Variants in AGBL3 observed in about 807,000 individuals in gnomAD.
AGBL3 encodes the protein cytosolic carboxypeptidase 3.
A neutral mutation model predicts 94.5 loss-of-function variants in AGBL3; 68 were observed. The observed-to-expected ratio is 0.72, with a 90% confidence interval of 0.59 to 0.88. AGBL3 has a LOEUF of 0.88. Ranked by LOEUF, AGBL3 falls within the 40% of genes least tolerant of loss-of-function variation. The probability of loss-of-function intolerance (pLI) is 0.00; values close to 1 mark genes in which losing one functional copy is unlikely to be tolerated. For missense variants in AGBL3, 934 were observed against 1,103.8 expected, an observed-to-expected ratio of 0.85 and a Z score of 2.18; for synonymous variants, 354 against 370.7, an observed-to-expected ratio of 0.95 and a Z score of 0.52.
intron 4 of AGBL3, among the ~76,000 whole-genome samples, chr7:135,013,070 T>A (rs1342783262): frequency 6.6e-6 from 1 of 152,132 alleles, no homozygotes; most frequent in Non-Finnish European, 1.5e-5. Context: ...TATGAAGAAT[T>A]CCTACAAACC....
intron 11 of AGBL3, among the ~76,000 whole-genome samples, chr7:135,048,754 T>G (rs1195087133): frequency 2.7e-5 from 1 of 36,508 alleles, no homozygotes; most frequent in Non-Finnish European, 6.9e-5. Flanking sequence ...CTCACAGTTG[T>G]TTTTTTTTTT....
At chr7:135,058,420 G>A (rs999936074) in intron 11 of AGBL3, among the ~76,000 whole-genome samples, 9 of 152,010 alleles carry the variant, frequency 5.9e-5, no homozygotes, top group Admixed American at 1.3e-4. Context: ...GAGGTACTAT[G>A]TTTCATATGG....
chr7:135,087,580 T>C (rs892919928), intron 15 of AGBL3, among the ~76,000 whole-genome samples: 10 of 152,010 alleles, frequency 6.6e-5, no homozygotes, highest in African/African-American at 2.4e-4. Context: ...TTTACTGTCT[T>C]CAGTAGTTAT....
At chr7:135,087,328 A>G (rs1029190404) in intron 15 of AGBL3, among the ~76,000 whole-genome samples, 143 of 151,436 alleles carry the variant, frequency 9.4e-4, no homozygotes, top group African/African-American at 3.3e-3. Context: ...TCTCAATTTC[A>G]TATACTCTGT....
chr7:135,044,169 C>A lies in AGBL3; in HGVS notation c.1627+18C>A. 6.5e-7 allele frequency: 1 copy of A among 1,540,108 alleles called. No homozygotes were observed. Among genetic ancestry groups the A allele is most frequent in the East Asian group, 2.5e-5 (1 of 40,622 alleles). ...TACTCTGGGTAAGACCAAGGGTTCT[C>A]ATTCACAGCTCTCAAAGCTTTAAAC... On this transcript the variant is annotated intron_variant, in intron 9 of 16. Transcript: ENST00000436302.
At chr7:135,080,868 G>GTA (rs150587409) in intron 14 of AGBL3, among the ~76,000 whole-genome samples, 10,334 of 146,264 alleles carry the variant, frequency 0.071, 416 homozygotes, top group East Asian at 0.19. Flanking sequence ...ATGTGTGTGT[G>GTA]TATATATATA....
In AGBL3 at chr7:135,034,846, G is replaced by C. The variant is rs1283660228; in HGVS notation, c.1255G>C (p.Gly419Arg). ...GGGAAATTATCGCTGTTCCTTAGCT[G>C]GACGGGATTTAAACCGTAATTATAC... ...IVGNYRCSLAGRDLNRNYTSL... is the reference protein window; with the variant it reads ...IVGNYRCSLARRDLNRNYTSL... The change falls in exon 7 of 17, where the codon GGA becomes CGA. Residue 419 changes from glycine (G) to arginine (R), a missense_variant. Coordinates refer to ENST00000436302, the MANE Select transcript of AGBL3 (RefSeq NM_178563.4). The C allele has an allele frequency of 6.4e-7, 1 of 1,551,502 alleles. No individual in the cohort carries two copies. The highest frequency in any genetic ancestry group is 1.4e-5 in the African/African-American group (1 of 73,046).
At chr7:135,057,093 G>A (rs779975061) in intron 11 of AGBL3, among the ~76,000 whole-genome samples, 7 of 151,984 alleles carry the variant, frequency 4.6e-5, no homozygotes, top group Non-Finnish European at 7.4e-5. Context: ...ATTTGTCACC[G>A]CTGACAAATA....
intron 15 of AGBL3, chr7:135,093,162 A>G (rs541518469): frequency 6.6e-6 from 1 of 151,922 alleles, no homozygotes; most frequent in Non-Finnish European, 1.5e-5. Context: ...CTTCTATTCA[A>G]CATTATAATG....
chr7:135,093,406 A>G (rs947887495), intron 15 of AGBL3: 1 of 152,212 alleles, frequency 6.6e-6, no homozygotes, highest in African/African-American at 2.4e-5. Context: ...ACTGTATGGT[A>G]TGTGAATTAC....
At chr7:135,107,694 G>A (rs964593997) in intron 15 of AGBL3, among the ~76,000 whole-genome samples, 8 of 152,164 alleles carry the variant, frequency 5.3e-5, no homozygotes, top group Non-Finnish European at 8.8e-5. Context: ...ATATTCTGTT[G>A]ATTTAGGATG....
intron 15 of AGBL3, among the ~76,000 whole-genome samples, chr7:135,082,196 T>A (rs540432720): frequency 6.6e-6 from 1 of 152,330 alleles, no homozygotes; most frequent in South Asian, 2.1e-4. Context: ...AAAATATGTG[T>A]CCTTGTAAAT....
chr7:135,119,388 C>A (rs1449460244), intron 16 of AGBL3, among the ~76,000 whole-genome samples: 2 of 64 alleles, frequency 0.031, no homozygotes, highest in African/African-American at 0.083. Flanking sequence ...CACCACCATG[C>A]CTGGCCCAAT....
chr7:135,085,247 T>C (rs1047578128), intron 15 of AGBL3, among the ~76,000 whole-genome samples: 4 of 152,144 alleles, frequency 2.6e-5, no homozygotes, highest in Non-Finnish European at 5.9e-5. Context: ...ATTCTGGATA[T>C]TAATCCCTTG....
chr7:134,990,247 C>CAGT (rs1402170890), intron 3 of AGBL3, among the ~76,000 whole-genome samples: 1 of 152,200 alleles, frequency 6.6e-6, no homozygotes, highest in East Asian at 1.9e-4. Context: ...TGTGTCTCTG[C>CAGT]AGTAGATCCT....
At chr7:135,028,576 C>A (rs1815398231) in intron 5 of AGBL3, among the ~76,000 whole-genome samples, 1 of 152,210 alleles carries the variant, frequency 6.6e-6, no homozygotes, top group Admixed American at 6.5e-5. Context: ...ATTTCCACCA[C>A]ATCTGCAGTT....
At chr7:135,034,030 G>T in intron 6 of AGBL3, 119 bp from the exon 7 acceptor site, 1 of 946,708 alleles carries the variant, frequency 1.1e-6, no homozygotes, top group Non-Finnish European at 1.5e-6. Context: ...AAAGCTTTCT[G>T]TGAATGAGTA....
chr7:135,068,055 C>T (rs1183708893), intron 12 of AGBL3, among the ~76,000 whole-genome samples: 1 of 152,156 alleles, frequency 6.6e-6, no homozygotes, highest in Non-Finnish European at 1.5e-5. Flanking sequence ...CCTGATGGAG[C>T]TGAAAACCAT....
At chr7:135,062,173 ATTTC>A (rs1389472880) in intron 12 of AGBL3, among the ~76,000 whole-genome samples, 4 of 151,692 alleles carry the variant, frequency 2.6e-5, no homozygotes, top group Admixed American at 2.6e-4. Context: ...TATGTTCTTG[ATTTC>A]TTTTTTGATT....
Sources: allele counts gnomAD v4.1 joint callset (sites outside exome capture counted in the v4.1 genomes callset), GRCh38; gene constraint gnomAD v4.1.1; transcripts MANE v1.5; gene names NCBI Gene and HGNC (gene_info 2026-07-23, HGNC 2026-07-21).